Variants in PTPN12 observed in about 807,000 individuals in gnomAD.
PTPN12 encodes the protein tyrosine-protein phosphatase non-receptor type 12.
In PTPN12, 29 loss-of-function variants were observed where a neutral mutation model predicts 97.6. The ratio of observed to expected loss-of-function variants is 0.30; its 90% CI spans 0.22 to 0.41. PTPN12 has a LOEUF of 0.41. Ranked by LOEUF, PTPN12 falls within the 10% of genes least tolerant of loss-of-function variation. The probability of loss-of-function intolerance (pLI) is 1.00; values close to 1 mark genes in which losing one functional copy is unlikely to be tolerated. For synonymous variants in PTPN12, 327 were observed against 300.4 expected, an observed-to-expected ratio of 1.09 and a Z score of -0.91; for missense variants, 819 against 926.0, an observed-to-expected ratio of 0.88 and a Z score of 1.50.
At chr7:77,582,054 G>C (rs1787532715) in intron 3 of PTPN12, among the ~76,000 whole-genome samples, 1 of 135,986 alleles carries the variant, frequency 7.4e-6, no homozygotes, top group African/African-American at 2.7e-5. Flanking sequence ...ACCTTTGTTT[G>C]GATACCCTTT....
intron 8 of PTPN12, chr7:77,604,982 G>A (rs1286526592): frequency 3.7e-6 from 1 of 268,724 alleles, no homozygotes; most frequent in Non-Finnish European, 7.8e-6. Context: ...ACTTTCTATT[G>A]TGTTTCATTG....
chr7:77,563,495 G>A (rs1808086966), intron 1 of PTPN12, among the ~76,000 whole-genome samples: 1 of 152,208 alleles, frequency 6.6e-6, no homozygotes, highest in Admixed American at 6.5e-5. Context: ...CTGTATGCCA[G>A]TACTACTATC....
At chr7:77,580,221 T>C (rs1453044276) in intron 2 of PTPN12, among the ~76,000 whole-genome samples, 1 of 152,220 alleles carries the variant, frequency 6.6e-6, no homozygotes, top group African/African-American at 2.4e-5. Flanking sequence ...TCCAAACACT[T>C]GGGAGCCTGA....
rs1348733132 is a variant in PTPN12, at chr7:77,537,961, G to A, written c.99+316G>A. 4 of 826,408 alleles carry A rather than the reference G, an allele frequency of 4.8e-6. No homozygotes were observed. The African/African-American group carries it at 6.2e-5, about 13-fold the overall frequency. 51.2% of individuals were successfully genotyped at this position (826,408 alleles called of 1,614,324 possible). A position where few individuals can be genotyped will look rare whatever the true frequency, so the allele number is the denominator to read the frequency against. On this transcript the variant is annotated intron_variant, in intron 1 of 17. Coordinates refer to ENST00000248594, the MANE Select transcript of PTPN12 (RefSeq NM_002835.4). ...TTGTTTACCGGGCCGGGAGCCGTAG[G>A]CAAGTGAGGTGCAGGCCGGGGGGGG...
chr7:77,537,442 G>A lies in PTPN12; in HGVS notation c.-105G>A. The A allele has an allele frequency of 7.1e-7, 1 of 1,409,592 alleles. No homozygotes were observed. The highest frequency in any genetic ancestry group is 9.3e-7 in the Non-Finnish European group (1 of 1,075,884). 87.3% of individuals were successfully genotyped at this position (1,409,592 alleles called of 1,614,324 possible). A position where few individuals can be genotyped will look rare whatever the true frequency, so the allele number is the denominator to read the frequency against. Reference sequence around the variant, plus strand: ...CCGCGGGGCTTGGCGGGGTCGGGAGGGAGGGACGTGCTGGGGGAACGAGCT... The same window carrying A: ...CCGCGGGGCTTGGCGGGGTCGGGAGAGAGGGACGTGCTGGGGGAACGAGCT... On this transcript the variant is annotated 5_prime_UTR_variant, in exon 1 of 18. Coordinates refer to ENST00000248594, the MANE Select transcript of PTPN12 (RefSeq NM_002835.4).
In PTPN12 at chr7:77,571,700, TTTA is replaced by T. The variant is rs1282907799; in HGVS notation, c.208+517_208+519del. On this transcript the variant is annotated intron_variant, in intron 2 of 17. Coordinates refer to ENST00000248594, the MANE Select transcript of PTPN12 (RefSeq NM_002835.4). ...TGCATTACATTCTAATGATATTTTA[TTTA>T]TTTATTTATTTATTTATTTGTTTGT... Among the ~76,000 whole-genome samples, 8 of 14,786 alleles carry T rather than the reference TTTA, an allele frequency of 5.4e-4. No individual in the cohort carries two copies. The African/African-American group carries it at 0.015, about 27-fold the overall frequency. 9.7% of individuals were successfully genotyped at this position (14,786 alleles called of 152,430 possible).
intron 1 of PTPN12, among the ~76,000 whole-genome samples, chr7:77,563,497 A>G (rs373451738): frequency 6.6e-6 from 1 of 152,236 alleles, no homozygotes; most frequent in African/African-American, 2.4e-5. Context: ...GTATGCCAGT[A>G]CTACTATCAG....
At chr7:77,561,473 C>T (rs1165781620) in intron 1 of PTPN12, among the ~76,000 whole-genome samples, 1 of 152,144 alleles carries the variant, frequency 6.6e-6, no homozygotes, top group Non-Finnish European at 1.5e-5. Context: ...TGTAGTTTCT[C>T]TTTAGAAAGT....
At chr7:77,585,261 A>G (rs2151335578) in intron 4 of PTPN12, 1 of 240,786 alleles carries the variant, frequency 4.2e-6, no homozygotes, top group Admixed American at 5.5e-5. Context: ...ATATAATTTC[A>G]GAAGTCACAA....
chr7:77,639,267 C>G lies in PTPN12; in HGVS notation c.2330C>G (p.Ser777Ter). 6.2e-7 allele frequency: 1 copy of G among 1,612,354 alleles called. No homozygotes were observed. Residue 777 changes from serine to a stop codon, truncating the protein, a stop_gained, in exon 18 of 18, where the codon TCA becomes TGA. Transcript: ENST00000248594. LOFTEE classifies it high-confidence loss of function. ...CCCAAAGGACCAAGAGATCCACCTT[C>G]AGAATGGACATGATTCAGGGAGCTA... ...GKPKGPRDPP[S>*]EWT
At chr7:77,629,171 G>T (rs2151399392) in intron 13 of PTPN12, among the ~76,000 whole-genome samples, 1 of 151,122 alleles carries the variant, frequency 6.6e-6, no homozygotes, top group South Asian at 2.1e-4. Context: ...GGATGGTCTG[G>T]ATCTCCTGAC....
intron 12 of PTPN12, among the ~76,000 whole-genome samples, chr7:77,624,613 GTGTTT>G (rs1789067623): frequency 6.6e-6 from 1 of 151,656 alleles, no homozygotes; most frequent in Non-Finnish European, 1.5e-5. Flanking sequence ...CTAGGGTTTT[GTGTTT>G]TTAGTAGAGA....
At chr7:77,637,298 T>A (rs1789629220) in intron 16 of PTPN12, among the ~76,000 whole-genome samples, 1 of 152,194 alleles carries the variant, frequency 6.6e-6, no homozygotes, top group Admixed American at 6.5e-5. Flanking sequence ...GGAAAGAGAT[T>A]TTTTAAAAAT....
intron 2 of PTPN12, among the ~76,000 whole-genome samples, chr7:77,578,738 T>G (rs1421424079): frequency 1.3e-5 from 2 of 152,194 alleles, no homozygotes; most frequent in African/African-American, 4.8e-5. Flanking sequence ...TTAGAAGGGA[T>G]TATAATTTGA....
intron 1 of PTPN12, among the ~76,000 whole-genome samples, chr7:77,566,656 T>A (rs890486715): frequency 2.0e-5 from 3 of 152,170 alleles, no homozygotes; most frequent in African/African-American, 7.2e-5. Flanking sequence ...CCCAGGAGTT[T>A]AAGACTGCAG....
chr7:77,569,644 A>G lies in PTPN12; in HGVS notation c.100-1434A>G, dbSNP rs774292770. Among the ~76,000 whole-genome samples the G allele has an allele frequency of 2.6e-4, 39 of 152,220 alleles. No individual in the cohort carries two copies. In the South Asian group the frequency reaches 2.9e-3, roughly 11 times the overall value. On this transcript the variant is annotated intron_variant, in intron 1 of 17. Transcript: ENST00000248594. ...AAATTAGCTGGACCTGGTGGCACGC[A>G]TCTGTAATTCCAGCTACTCAGGAGG...
chr7:77,625,524 A>ACTCTCACT lies in PTPN12; in HGVS notation c.1026-1177_1026-1170dup, dbSNP rs1554326682. On this transcript the variant is annotated intron_variant, in intron 12 of 17. Coordinates refer to ENST00000248594, the MANE Select transcript of PTPN12 (RefSeq NM_002835.4). ...CTCTCTCTCTCTCTCTCTCTCTCTC[A>ACTCTCACT]CTCTCACTCTCACTCGCGCTCTCTC... Among the ~76,000 whole-genome samples, 7 of 17,020 alleles carry ACTCTCACT rather than the reference A, an allele frequency of 4.1e-4. 1 individual carries two copies. Among genetic ancestry groups the ACTCTCACT allele is most frequent in the Non-Finnish European group, 6.4e-4 (7 of 10,900 alleles). 11.2% of individuals were successfully genotyped at this position (17,020 alleles called of 152,430 possible).
At position 77,573,105 on chromosome 7, in the gene PTPN12, C is replaced by CA. The variant is rs1188949235; in HGVS notation, c.208+1927dup. On this transcript the variant is annotated intron_variant, in intron 2 of 17. Transcript: ENST00000248594. ...CTCAAAAAAAAAAAAAACAAAAAAA[C>CA]AAAAAAAACCAGTGTACCTAGCACA... Among the ~76,000 whole-genome samples the CA allele has an allele frequency of 1.9e-4, 9 of 47,854 alleles. 2 individuals carry two copies. The highest frequency in any genetic ancestry group is 0.01 in the Middle Eastern group (1 of 98). 31.4% of individuals were successfully genotyped at this position (47,854 alleles called of 152,430 possible).
At chr7:77,610,135 C>T (rs918958786) in intron 9 of PTPN12, among the ~76,000 whole-genome samples, 2 of 152,194 alleles carry the variant, frequency 1.3e-5, no homozygotes, top group African/African-American at 2.4e-5. Context: ...GCAGTAGTCG[C>T]AATTCCATAT....
Sources: allele counts gnomAD v4.1 joint callset (sites outside exome capture counted in the v4.1 genomes callset), GRCh38; gene constraint gnomAD v4.1.1; transcripts MANE v1.5; gene names NCBI Gene and HGNC (gene_info 2026-07-23, HGNC 2026-07-21).